SP4: variants seen among roughly 807,000 people sequenced by gnomAD.
SP4 encodes the protein Sp4 transcription factor, also known as transcription factor Sp4.
A neutral mutation model predicts 72.8 loss-of-function variants in SP4; 19 were observed. That is an observed-to-expected ratio of 0.26 (90% CI 0.18 to 0.38). The LOEUF (loss-of-function observed/expected upper bound fraction) is 0.38. Among genes scored for constraint, SP4 ranks in the 10% least tolerant of loss-of-function variants. SP4 has a pLI of 1.00. For synonymous variants in SP4, 395 were observed against 333.1 expected (o/e 1.19, Z -2.02); for missense variants, 1,008 against 926.3 (o/e 1.09, Z -1.14).
intron 3 of SP4, among the ~76,000 whole-genome samples, chr7:21,456,721 A>G (rs1418479519): frequency 6.6e-6 from 1 of 152,208 alleles, no homozygotes; most frequent in African/African-American, 2.4e-5. Flanking sequence ...TTGAAAAAGC[A>G]GAGGAAATCC....
In SP4 at chr7:21,512,374, T is replaced by C. The variant is rs924084930; in HGVS notation, c.*1105T>C. The stretch of plus-strand genomic sequence containing the variant: ...TGCTATGTAAGAAGGTAATTAGGAA[T>C]TATAACACAGTAATGTTTTTATGTT... On this transcript the variant is annotated 3_prime_UTR_variant, in exon 6 of 6. Coordinates refer to ENST00000222584, the MANE Select transcript of SP4 (RefSeq NM_003112.5). The C allele has an allele frequency of 6.6e-6, 1 of 152,570 alleles. No individual in the cohort carries two copies. Among genetic ancestry groups the C allele is most frequent in the African/African-American group, 2.4e-5 (1 of 41,430 alleles). 9.5% of individuals were successfully genotyped at this position (152,570 alleles called of 1,614,324 possible). A position where few individuals can be genotyped will look rare whatever the true frequency, so the allele number is the denominator to read the frequency against.
chr7:21,428,377 G>A, intron 1 of SP4, 119 bp downstream of exon 1: 1 of 708,068 alleles, frequency 1.4e-6, no homozygotes, highest in South Asian at 1.5e-5. Context: ...AGGGGAGGAG[G>A]AGAGGGCGGG....
intron 3 of SP4, among the ~76,000 whole-genome samples, chr7:21,452,089 GA>G (rs928865674): frequency 2.6e-5 from 4 of 152,138 alleles, no homozygotes; most frequent in Non-Finnish European, 5.9e-5. Context: ...CTAAATGGCA[GA>G]AAAAAACTTA....
At chr7:21,474,793 C>A (rs928262651) in intron 3 of SP4, among the ~76,000 whole-genome samples, 1 of 152,140 alleles carries the variant, frequency 6.6e-6, no homozygotes, top group Non-Finnish European at 1.5e-5. Flanking sequence ...GCTTTACTTA[C>A]CACACCATGC....
intron 3 of SP4, among the ~76,000 whole-genome samples, chr7:21,441,824 T>G (rs552746331): frequency 2.1e-4 from 32 of 152,242 alleles, no homozygotes; most frequent in African/African-American, 4.8e-4. Flanking sequence ...CAGGTTGGTT[T>G]GTTCTTTTCC....
chr7:21,511,309 T>C lies in SP4; in HGVS notation c.*40T>C, dbSNP rs916421866. 6.3e-7 allele frequency: 1 copy of C among 1,580,182 alleles called. No individual in the cohort carries two copies. The highest frequency in any genetic ancestry group is 8.6e-7 in the Non-Finnish European group (1 of 1,160,194). ...CAGAGACCTCTAGTGCTGCACTTGTTTACACACCTTTGAAAATCTGGAAAT... is the reference window on the plus strand; with the variant it reads ...CAGAGACCTCTAGTGCTGCACTTGTCTACACACCTTTGAAAATCTGGAAAT... On this transcript the variant is annotated 3_prime_UTR_variant, in exon 6 of 6. Coordinates refer to ENST00000222584, the MANE Select transcript of SP4 (RefSeq NM_003112.5).
chr7:21,441,041 C>A (rs1172859001), intron 3 of SP4, among the ~76,000 whole-genome samples: 1 of 152,198 alleles, frequency 6.6e-6, no homozygotes, highest in African/African-American at 2.4e-5. Context: ...CATTATATGG[C>A]AGCTGCAACT....
At chr7:21,469,155 ATGATGAAATAT>A (rs1784253423) in intron 3 of SP4, among the ~76,000 whole-genome samples, 1 of 152,226 alleles carries the variant, frequency 6.6e-6, no homozygotes. Context: ...ATTATGGTAT[ATGATGAAATAT>A]TGCACAACTA....
intron 3 of SP4, among the ~76,000 whole-genome samples, chr7:21,453,882 C>T (rs768967408): frequency 2.0e-5 from 3 of 152,290 alleles, no homozygotes; most frequent in South Asian, 2.1e-4. Flanking sequence ...ACATCTGCCA[C>T]GACTTGCTCA....
intron 3 of SP4, among the ~76,000 whole-genome samples, chr7:21,468,808 C>T (rs1197781011): frequency 6.6e-6 from 1 of 152,052 alleles, no homozygotes; most frequent in Non-Finnish European, 1.5e-5. Flanking sequence ...GAGCAGTAAT[C>T]ACTTCTATTA....
Position 21,430,581 on chromosome 7 carries a change from A to G in SP4, c.1416A>G (p.Val472=), listed in dbSNP as rs374938863. Residue 472 remains valine, a synonymous_variant, in exon 3 of 6, where the codon GTA becomes GTG. Transcript: ENST00000222584. ...CAGGGCAAATCAGTTGGCAAACTGT[A>G]CAGGTTCAGAATATTCAGAGTCTTT... The part of the protein sequence containing the change: ...TPSGQISWQT[V]QVQNIQSLSN... 2.2e-4 allele frequency: 351 copies of G among 1,614,248 alleles called. 2 individuals carry two copies. In the South Asian group the frequency reaches 2.6e-3, roughly 12 times the overall value.
intron 3 of SP4, among the ~76,000 whole-genome samples, chr7:21,469,379 CTCAT>C (rs56365403): frequency 0.51 from 77,872 of 151,318 alleles, 20,469 homozygotes; most frequent in Middle Eastern, 0.66. Flanking sequence ...ATTTCATTTC[CTCAT>C]TCATAGTTTT....
chr7:21,496,201 T>G (rs1310414124), intron 5 of SP4, among the ~76,000 whole-genome samples: 1 of 152,146 alleles, frequency 6.6e-6, no homozygotes, highest in African/African-American at 2.4e-5. Context: ...CTGAATGCAT[T>G]TGTCAAAACT....
At chr7:21,440,079 G>A (rs752271628) in intron 3 of SP4, among the ~76,000 whole-genome samples, 3 of 152,104 alleles carry the variant, frequency 2.0e-5, no homozygotes, top group Non-Finnish European at 2.9e-5. Context: ...TTTATTATTC[G>A]TGCAGACCAC....
At chr7:21,474,287 A>G (rs998630703) in intron 3 of SP4, among the ~76,000 whole-genome samples, 1 of 152,214 alleles carries the variant, frequency 6.6e-6, no homozygotes, top group Non-Finnish European at 1.5e-5. Flanking sequence ...TATAAATGTT[A>G]TGAGAAAAGT....
chr7:21,473,837 G>C (rs1163292327), intron 3 of SP4, among the ~76,000 whole-genome samples: 3 of 152,178 alleles, frequency 2.0e-5, no homozygotes, highest in African/African-American at 7.2e-5. Flanking sequence ...GTGAGCAAGG[G>C]AGAGACTAAT....
At chr7:21,498,585 A>G (rs1781783104) in intron 5 of SP4, among the ~76,000 whole-genome samples, 1 of 152,192 alleles carries the variant, frequency 6.6e-6, no homozygotes, top group African/African-American at 2.4e-5. Context: ...TACATTCAAA[A>G]ATGATTACAG....
At chr7:21,444,301 A>G (rs1362514542) in intron 3 of SP4, among the ~76,000 whole-genome samples, 1 of 152,208 alleles carries the variant, frequency 6.6e-6, no homozygotes, top group Non-Finnish European at 1.5e-5. Context: ...AAGAAGTAAA[A>G]GGGTACTTCT....
chr7:21,435,763 CA>C (rs1340988934), intron 3 of SP4, among the ~76,000 whole-genome samples: 1 of 151,920 alleles, frequency 6.6e-6, no homozygotes, highest in Admixed American at 6.6e-5. Flanking sequence ...TCTGAACTAC[CA>C]AGCTGGCTTT....
Sources: allele counts gnomAD v4.1 joint callset (sites outside exome capture counted in the v4.1 genomes callset), GRCh38; gene constraint gnomAD v4.1.1; transcripts MANE v1.5; gene names NCBI Gene and HGNC (gene_info 2026-07-23, HGNC 2026-07-21).